Variants in RNF14 observed in about 807,000 individuals in gnomAD.
RNF14 encodes the protein ring finger protein 14, also known as E3 ubiquitin-protein ligase RNF14.
RNF14 carries 26 observed loss-of-function variants against 52.6 expected under a neutral mutation model. That is an observed-to-expected ratio of 0.49 (90% confidence interval 0.36 to 0.69). The LOEUF is 0.69. RNF14 is among the 30% of genes least tolerant of loss of function. The pLI, the probability that RNF14 is intolerant of heterozygous loss-of-function variation, is 0.00. For synonymous variants in RNF14, 194 were observed against 202.0 expected, an observed-to-expected ratio of 0.96 and a Z score of 0.34; for missense variants, 404 against 560.4, an observed-to-expected ratio of 0.72 and a Z score of 2.82.
upstream of RNF14, among the ~76,000 whole-genome samples, chr5:141,965,455 C>T (rs1486392748): frequency 2.0e-5 from 3 of 152,224 alleles, no homozygotes; most frequent in Admixed American, 2.0e-4. Flanking sequence ...GTCTCTTTCT[C>T]TGTCTGTGTT....
At chr5:141,983,203 AT>A (rs1303784355) in intron 6 of RNF14, among the ~76,000 whole-genome samples, 176 bp from the exon 7 acceptor site, 1 of 152,148 alleles carries the variant, frequency 6.6e-6, no homozygotes, top group Non-Finnish European at 1.5e-5. Flanking sequence ...TTCCTTAGAA[AT>A]TTAATTTTTT....
upstream of RNF14, among the ~76,000 whole-genome samples, chr5:141,967,415 T>A (rs188310327): frequency 1.6e-4 from 24 of 152,352 alleles, no homozygotes; most frequent in Non-Finnish European, 2.5e-4. Context: ...TTTGGTGCAC[T>A]CATCACTCGA....
upstream of RNF14, chr5:141,956,109 C>G (rs116711399): frequency 0.013 from 21,255 of 1,614,210 alleles, 182 homozygotes; most frequent in Non-Finnish European, 0.016. Flanking sequence ...TGGAGGCATT[C>G]ACAAGCACGG....
At chr5:141,959,185 AC>A (rs1179727665) in intron 1 of RNF14, 13 of 151,804 alleles carry the variant, frequency 8.6e-5, no homozygotes, top group African/African-American at 3.2e-4. Flanking sequence ...CCTCTCCCAC[AC>A]CTTCCCCTCC....
At chr5:141,957,269 C>T (rs1411846428), upstream of RNF14, 2 of 1,613,950 alleles carry the variant, frequency 1.2e-6, no homozygotes, top group East Asian at 2.2e-5. This position sits in a 1 kb window ranked among gnomAD's most constrained non-coding sequence, Gnocchi z 4.3. Flanking sequence ...ACTATGAGTT[C>T]TGCATGTTTG....
intron 1 of RNF14, chr5:141,959,014 G>C (rs1753230463): frequency 6.6e-6 from 1 of 152,390 alleles, no homozygotes; most frequent in Non-Finnish European, 1.5e-5. Flanking sequence ...GATTCCAGAA[G>C]CTGCAAGAAC....
chr5:141,980,487 T>G (rs1754672465), intron 6 of RNF14, 136 bp downstream of exon 6: 2 of 714,122 alleles, frequency 2.8e-6, no homozygotes, highest in Non-Finnish European at 4.7e-6. Context: ...AGTGACTATC[T>G]CAGGCCTTGG....
intron 8 of RNF14, among the ~76,000 whole-genome samples, chr5:141,986,609 TA>T (rs1755257811): frequency 6.6e-6 from 1 of 152,238 alleles, no homozygotes; most frequent in African/African-American, 2.4e-5. Flanking sequence ...GTCTGGATTC[TA>T]AAAGGACTGT....
chr5:141,954,930 T>C (rs1444493752), upstream of RNF14: 3 of 1,577,576 alleles, frequency 1.9e-6, no homozygotes, highest in Admixed American at 3.5e-5. Context: ...TTTCTGGTGG[T>C]CCAGGAGTGA....
intron 2 of RNF14, among the ~76,000 whole-genome samples, chr5:141,973,206 C>T (rs1035222014): frequency 1.3e-5 from 2 of 150,396 alleles, no homozygotes; most frequent in Non-Finnish European, 2.9e-5. Flanking sequence ...TTTTTTGTGC[C>T]ATTAAGCTTT....
chr5:141,956,124 G>A (rs202204978), upstream of RNF14: 10 of 1,614,200 alleles, frequency 6.2e-6, no homozygotes, highest in East Asian at 2.0e-4. Context: ...GCACGGAGAG[G>A]CTGGCTTTTC....
Position 141,981,837 on chromosome 5 carries a change from G to C in RNF14, c.1063+1486G>C, listed in dbSNP as rs533252435. Among the ~76,000 whole-genome samples, 5 of 151,238 alleles carry C rather than the reference G, an allele frequency of 3.3e-5. No individual in the cohort carries two copies. In the East Asian group the frequency reaches 9.7e-4, roughly 29 times the overall value. On this transcript the variant is annotated intron_variant, in intron 6 of 8. Transcript: ENST00000394520. Reference sequence around the variant, plus strand: ...ACTGCACTCCAGCCTGGGGGACAGAGTGGGACCCTGTCTCAAAAAAAAAAA... The same window carrying C: ...ACTGCACTCCAGCCTGGGGGACAGACTGGGACCCTGTCTCAAAAAAAAAAA...
intron 8 of RNF14, 64 bp from the exon 9 acceptor site, chr5:141,987,669 C>T (rs889024695): frequency 1.1e-4 from 161 of 1,479,940 alleles, no homozygotes; most frequent in Admixed American, 1.9e-4. Flanking sequence ...TATTTTTCAG[C>T]GGAGAGGCAA....
chr5:141,954,645 C>T (rs1353013325), upstream of RNF14, among the ~76,000 whole-genome samples: 2 of 152,200 alleles, frequency 1.3e-5, no homozygotes, highest in East Asian at 1.9e-4. Flanking sequence ...TGCTGTGTGT[C>T]TACTTGTGAG....
chr5:141,958,021 G>T, upstream of RNF14: 1 of 729,560 alleles, frequency 1.4e-6, no homozygotes, highest in South Asian at 2.0e-5. Flanking sequence ...GGACCCCAAG[G>T]CAAGGCCATC....
chr5:141,983,614 A>G (rs534381012), intron 7 of RNF14, 62 bp downstream of exon 7: 69 of 1,434,792 alleles, frequency 4.8e-5, no homozygotes, highest in Non-Finnish European at 6.0e-5. Context: ...GATTACCTTA[A>G]GAAGCCTTAC....
At chr5:141,959,490 C>G (rs779267535) in intron 1 of RNF14, among the ~76,000 whole-genome samples, 3 of 152,184 alleles carry the variant, frequency 2.0e-5, no homozygotes, top group African/African-American at 4.8e-5. Context: ...ATCCCTGAGG[C>G]TCATGAAGCA....
chr5:141,960,386 C>T (rs772874641), intron 1 of RNF14, among the ~76,000 whole-genome samples: 3 of 152,256 alleles, frequency 2.0e-5, no homozygotes, highest in Admixed American at 1.3e-4. Flanking sequence ...GGAGTGAGCC[C>T]GAGGAAGTTG....
upstream of RNF14, among the ~76,000 whole-genome samples, chr5:141,967,718 G>A (rs975774994): frequency 1.3e-5 from 2 of 152,248 alleles, no homozygotes; most frequent in Non-Finnish European, 1.5e-5. Context: ...GGACACAGGA[G>A]CTTATTAGAT....
Sources: gnomAD v4.1 joint callset for allele counts (sites outside exome capture counted in the v4.1 genomes callset) on GRCh38, gnomAD v4.1.1 for gene constraint, Gnocchi (gnomAD v3.1) non-coding constraint, MANE v1.5 for transcripts, NCBI Gene and HGNC (gene_info 2026-07-23, HGNC 2026-07-21) for gene names.